Variants in LMNTD1 observed in about 807,000 individuals in gnomAD.
LMNTD1 encodes the protein lamin tail domain containing 1.
LMNTD1 carries 35 observed loss-of-function variants against 50.9 expected under a neutral mutation model. The ratio of observed to expected loss-of-function variants is 0.69; its 90% CI spans 0.53 to 0.91. The LOEUF (loss-of-function observed/expected upper bound fraction) is 0.91. Ranked by LOEUF, LMNTD1 falls within the 40% of genes least tolerant of loss-of-function variation. The pLI is 0.00. For missense variants in LMNTD1, 470 were observed against 475.5 expected, an observed-to-expected ratio of 0.99 and a Z score of 0.11; for synonymous variants, 153 against 161.9, an observed-to-expected ratio of 0.94 and a Z score of 0.42.
At chr12:25,496,486 CA>C (rs1162224437) in intron 9 of LMNTD1, among the ~76,000 whole-genome samples, 6 of 152,170 alleles carry the variant, frequency 3.9e-5, no homozygotes, top group African/African-American at 1.4e-4. Flanking sequence ...TGCAAAGTGG[CA>C]AAAAATGTTA....
At chr12:25,628,808 A>G (rs559200623) in intron 1 of LMNTD1, among the ~76,000 whole-genome samples, 3 of 152,304 alleles carry the variant, frequency 2.0e-5, no homozygotes, top group African/African-American at 4.8e-5. Flanking sequence ...CCCTGCCAAC[A>G]CCTTGACTTT....
intron 1 of LMNTD1, among the ~76,000 whole-genome samples, chr12:25,567,822 G>T (rs916727687): frequency 6.9e-6 from 1 of 145,258 alleles, no homozygotes; most frequent in Non-Finnish European, 1.5e-5. Context: ...GCAGAATTGT[G>T]AGCCAACTTA....
intron 1 of LMNTD1, among the ~76,000 whole-genome samples, chr12:25,624,844 G>T (rs1946552167): frequency 6.6e-6 from 1 of 152,202 alleles, no homozygotes; most frequent in Non-Finnish European, 1.5e-5. Flanking sequence ...ATAAGTTACT[G>T]TTATCCTCCC....
intron 9 of LMNTD1, among the ~76,000 whole-genome samples, chr12:25,486,995 G>A (rs953789995): frequency 8.6e-5 from 13 of 151,786 alleles, no homozygotes; most frequent in Non-Finnish European, 1.6e-4. Flanking sequence ...TGTGGTCTGA[G>A]AGACAGTTTG....
chr12:25,608,747 C>G (rs1266254045), intron 1 of LMNTD1, among the ~76,000 whole-genome samples: 1 of 152,174 alleles, frequency 6.6e-6, no homozygotes, highest in Non-Finnish European at 1.5e-5. Context: ...TCTGGCTGCC[C>G]TTAGCATTTT....
intron 8 of LMNTD1, among the ~76,000 whole-genome samples, chr12:25,516,266 T>G (rs1678554): frequency 0.74 from 112,563 of 152,022 alleles, 42,608 homozygotes; most frequent in East Asian, 0.88. Flanking sequence ...TATAAAGACT[T>G]TAGAGGTATC....
chr12:25,489,489 C>T lies in LMNTD1; in HGVS notation c.*23-13029G>A, dbSNP rs1023731492. ...CAATGCCTCGCCCTGCTTTGGCTCG[C>T]GCACGGTGCGCGCACCCGCTGACCT... is the stretch of plus-strand genomic sequence containing the variant. On this transcript the variant is annotated intron_variant, in intron 9 of 9. Coordinates refer to ENST00000458174, the MANE Select transcript of LMNTD1 (RefSeq NM_001145728.2). Among the ~76,000 whole-genome samples the T allele has an allele frequency of 2.1e-5, 3 of 142,396 alleles. 1 individual carries two copies. The highest frequency in any genetic ancestry group is 2.3e-4 in the South Asian group (1 of 4,392). 93.4% of individuals were successfully genotyped at this position (142,396 alleles called of 152,430 possible).
intron 1 of LMNTD1, among the ~76,000 whole-genome samples, chr12:25,577,932 A>C (rs1398260989): frequency 6.6e-6 from 1 of 152,130 alleles, no homozygotes; most frequent in African/African-American, 2.4e-5. Context: ...GGTTGGTAGC[A>C]GGTGGTGAGA....
chr12:25,549,150 C>T lies in LMNTD1; in HGVS notation c.310+176G>A, dbSNP rs1195647362. 4.6e-5 allele frequency among the ~76,000 whole-genome samples: 7 copies of T among 151,860 alleles called. No individual in the cohort carries two copies. In the South Asian group the frequency reaches 1.0e-3, roughly 23 times the overall value. ...CATGTATGTGGCCTGAATTTAATAC[C>T]CCAGTTCTAGGATCAGTGATGACCA... On this transcript the variant is annotated intron_variant, in intron 3 of 9. Transcript: ENST00000458174.
At chr12:25,591,316 G>A (rs1352242457) in intron 1 of LMNTD1, among the ~76,000 whole-genome samples, 3 of 152,060 alleles carry the variant, frequency 2.0e-5, no homozygotes, top group African/African-American at 4.8e-5. Context: ...GCACTGCACT[G>A]GCAGGCAGCA....
At chr12:25,526,293 C>T in intron 5 of LMNTD1, 75 bp from the exon 6 acceptor site, 1 of 1,386,578 alleles carries the variant, frequency 7.2e-7, no homozygotes, top group Non-Finnish European at 9.9e-7. Flanking sequence ...GTTACTCCAA[C>T]ATAATCTTTC....
At chr12:25,476,702 C>A (rs1460225928) in intron 9 of LMNTD1, among the ~76,000 whole-genome samples, 2 of 152,072 alleles carry the variant, frequency 1.3e-5, no homozygotes, top group Non-Finnish European at 2.9e-5. Context: ...TAAAGGATTT[C>A]TATGATTTTC....
chr12:25,572,069 T>A (rs1329443909), intron 1 of LMNTD1, among the ~76,000 whole-genome samples: 1 of 152,206 alleles, frequency 6.6e-6, no homozygotes, highest in Non-Finnish European at 1.5e-5. Flanking sequence ...TACGTTTCAG[T>A]GCAAATCAGG....
At chr12:25,637,021 T>G (rs1227862660) in intron 1 of LMNTD1, among the ~76,000 whole-genome samples, 1 of 152,030 alleles carries the variant, frequency 6.6e-6, no homozygotes, top group Non-Finnish European at 1.5e-5. Flanking sequence ...GATAAAAGAC[T>G]GCAGATATGG....
intron 9 of LMNTD1, among the ~76,000 whole-genome samples, chr12:25,490,448 T>C (rs1209631875): frequency 6.6e-6 from 1 of 152,156 alleles, no homozygotes; most frequent in African/African-American, 2.4e-5. Flanking sequence ...AAGTAGTAAA[T>C]CTATTATCTA....
chr12:25,545,306 T>A (rs1360106913), intron 4 of LMNTD1, among the ~76,000 whole-genome samples: 1 of 151,678 alleles, frequency 6.6e-6, no homozygotes, highest in African/African-American at 2.4e-5. Flanking sequence ...TGGTTTCCAC[T>A]GAGAAGTCTG....
chr12:25,510,119 T>C (rs1345073614), intron 8 of LMNTD1, among the ~76,000 whole-genome samples: 1 of 152,164 alleles, frequency 6.6e-6, no homozygotes, highest in Non-Finnish European at 1.5e-5. Context: ...TGTTTGTTCA[T>C]GTTTTGATTG....
intron 1 of LMNTD1, among the ~76,000 whole-genome samples, chr12:25,608,672 G>A (rs374760866): frequency 6.6e-6 from 1 of 152,200 alleles, no homozygotes; most frequent in Non-Finnish European, 1.5e-5. Flanking sequence ...CCACTCTCTT[G>A]TGGCTTGTAG....
At chr12:25,606,644 G>T (rs1388517404) in intron 1 of LMNTD1, among the ~76,000 whole-genome samples, 4 of 152,072 alleles carry the variant, frequency 2.6e-5, no homozygotes, top group Non-Finnish European at 5.9e-5. Flanking sequence ...TTATTGATTT[G>T]CATATGTTGA....
Sources: gnomAD v4.1 joint callset for allele counts (sites outside exome capture counted in the v4.1 genomes callset) on GRCh38, gnomAD v4.1.1 for gene constraint, MANE v1.5 for transcripts, NCBI Gene and HGNC (gene_info 2026-07-23, HGNC 2026-07-21) for gene names.